Variants in ARHGEF3 observed in about 807,000 individuals in gnomAD.
ARHGEF3 encodes the protein Rho guanine nucleotide exchange factor 3, also known as 59.8 kDA protein.
A neutral mutation model predicts 63.2 loss-of-function variants in ARHGEF3; 28 were observed. The ratio of observed to expected loss-of-function variants is 0.44; its 90% CI spans 0.33 to 0.61. ARHGEF3 has a LOEUF of 0.61. Among genes scored for constraint, ARHGEF3 ranks in the 20% least tolerant of loss-of-function variants. The pLI, the probability that ARHGEF3 is intolerant of heterozygous loss-of-function variation, is 0.03. For synonymous variants in ARHGEF3, 266 were observed against 254.2 expected, an observed-to-expected ratio of 1.05 and a Z score of -0.44; for missense variants, 533 against 659.3, an observed-to-expected ratio of 0.81 and a Z score of 2.10.
At chr3:56,881,695 G>A (rs1340651704) in intron 4 of ARHGEF3, among the ~76,000 whole-genome samples, 5 of 152,096 alleles carry the variant, frequency 3.3e-5, no homozygotes, top group Admixed American at 1.3e-4. Flanking sequence ...AGTATGTACA[G>A]GCAATGTGTT....
intron 1 of ARHGEF3, among the ~76,000 whole-genome samples, chr3:56,793,263 G>A (rs1198876995): frequency 3.3e-5 from 5 of 151,644 alleles, no homozygotes; most frequent in South Asian, 2.1e-4. Flanking sequence ...TCCGCCTCCC[G>A]GGTTCACGCC....
Position 56,876,681 on chromosome 3 carries a change from C to CA in ARHGEF3, c.192+5610dup, listed in dbSNP as rs57550315. 9.5e-3 allele frequency among the ~76,000 whole-genome samples: 1,399 copies of CA among 146,966 alleles called. 20 individuals are homozygous for CA. Among genetic ancestry groups the CA allele is most frequent in the African/African-American group, 0.033 (1,304 of 39,762 alleles). ...TCTTGATGGTTGCAAATCAGCAAAA[C>CA]AAAAAAAAAAATGCAGGAAGAATGT... On this transcript the variant is annotated intron_variant, in intron 4 of 12. Transcript: ENST00000338458.
chr3:56,761,297 A>G (rs1269071674), intron 2 of ARHGEF3, among the ~76,000 whole-genome samples: 1 of 152,068 alleles, frequency 6.6e-6, no homozygotes, highest in Non-Finnish European at 1.5e-5. Flanking sequence ...GGGAAAAACT[A>G]CATGAGAGAA....
At chr3:56,821,286 G>C (rs2038484256) in intron 4 of ARHGEF3, among the ~76,000 whole-genome samples, 1 of 152,210 alleles carries the variant, frequency 6.6e-6, no homozygotes, top group African/African-American at 2.4e-5. Context: ...AGTGTAGTGA[G>C]ACTGGGAAGA....
intron 3 of ARHGEF3, among the ~76,000 whole-genome samples, chr3:56,932,985 CA>C (rs1333824425): frequency 2.0e-5 from 3 of 152,144 alleles, no homozygotes; most frequent in Admixed American, 1.3e-4. Flanking sequence ...TCATTTGTTG[CA>C]TATTCTCATT....
At chr3:56,823,527 C>T (rs997072851) in intron 4 of ARHGEF3, among the ~76,000 whole-genome samples, 4 of 152,088 alleles carry the variant, frequency 2.6e-5, no homozygotes, top group African/African-American at 9.7e-5. Context: ...CTGACTGGCT[C>T]CCAGAATCAA....
intron 3 of ARHGEF3, among the ~76,000 whole-genome samples, chr3:56,912,319 A>G (rs1005445526): frequency 5.3e-5 from 8 of 152,246 alleles, no homozygotes; most frequent in African/African-American, 1.9e-4. Flanking sequence ...GGACCACAGC[A>G]AACATTCACC....
At chr3:56,944,306 C>T (rs992843433) in intron 3 of ARHGEF3, among the ~76,000 whole-genome samples, 3 of 152,146 alleles carry the variant, frequency 2.0e-5, no homozygotes, top group Non-Finnish European at 4.4e-5. Context: ...TTCTAGATGC[C>T]ATTAAGAACA....
intron 3 of ARHGEF3, among the ~76,000 whole-genome samples, chr3:56,908,893 A>G (rs1367684987): frequency 6.6e-6 from 1 of 152,204 alleles, no homozygotes; most frequent in Non-Finnish European, 1.5e-5. Flanking sequence ...ATTCTATCAT[A>G]ATGACACATG....
intron 1 of ARHGEF3, among the ~76,000 whole-genome samples, chr3:57,056,187 A>AC (rs1373914017): frequency 6.6e-6 from 1 of 152,070 alleles, no homozygotes; most frequent in Non-Finnish European, 1.5e-5. Context: ...GAAGATCGAG[A>AC]CCATCCTGGC....
chr3:56,978,302 T>C (rs756610899), intron 2 of ARHGEF3, among the ~76,000 whole-genome samples: 31 of 152,340 alleles, frequency 2.0e-4, no homozygotes, highest in Non-Finnish European at 3.8e-4. Context: ...ATTCCCATAC[T>C]GTCAGCAGTG....
chr3:56,768,911 C>CAGATCACCCAGACAGAGAT (rs1366947053), intron 2 of ARHGEF3, among the ~76,000 whole-genome samples: 1 of 152,142 alleles, frequency 6.6e-6, no homozygotes, highest in Non-Finnish European at 1.5e-5. Flanking sequence ...TAAAAGTGAG[C>CAGATCACCCAGACAGAGAT]AGATCACCCA....
chr3:56,896,353 G>A lies in ARHGEF3; in HGVS notation c.130-13999C>T, dbSNP rs534547010. 7.2e-5 allele frequency among the ~76,000 whole-genome samples: 11 copies of A among 152,166 alleles called. No individual in the cohort carries two copies. In the East Asian group the frequency reaches 2.1e-3, roughly 29 times the overall value. On this transcript the variant is annotated intron_variant, in intron 3 of 12. Transcript: ENST00000338458. The stretch of plus-strand genomic sequence containing the variant: ...TTTGAGAATGAGTTGCAGACATTAT[G>A]TCCCTTTAGACCCTAAATACTTCAG...
At chr3:56,897,449 C>A (rs186617599) in intron 3 of ARHGEF3, among the ~76,000 whole-genome samples, 1 of 152,196 alleles carries the variant, frequency 6.6e-6, no homozygotes, top group Admixed American at 6.5e-5. Context: ...GTTTTTGCTA[C>A]GGGGGTGCCA....
In ARHGEF3 at chr3:56,916,364, C is replaced by T. The variant is rs780228175; in HGVS notation, c.130-34010G>A. 34 of 1,534,362 alleles carry T rather than the reference C, an allele frequency of 2.2e-5. No individual in the cohort carries two copies. In the East Asian group the frequency reaches 7.6e-4, roughly 34 times the overall value. On this transcript the variant is annotated intron_variant, in intron 3 of 12. Coordinates refer to the ARHGEF3 transcript ENST00000338458. ...CATGGGGCGCTCTGACCTCATCCAC[C>T]CGGACTCACCGGCTCCTAACTGCAG...
chr3:56,979,783 G>A (rs1047103748), intron 2 of ARHGEF3, among the ~76,000 whole-genome samples: 6 of 152,188 alleles, frequency 3.9e-5, no homozygotes, highest in African/African-American at 1.4e-4. Flanking sequence ...TCTAGAAAAT[G>A]GGGAAAATAA....
chr3:56,775,693 C>T, intron 1 of ARHGEF3: 1 of 985,662 alleles, frequency 1.0e-6, no homozygotes, highest in Non-Finnish European at 1.2e-6. Context: ...GCTCCCTGTC[C>T]AGTGCCAGGC....
At chr3:56,860,981 C>T (rs1303558247) in intron 4 of ARHGEF3, among the ~76,000 whole-genome samples, 4 of 152,138 alleles carry the variant, frequency 2.6e-5, no homozygotes, top group Non-Finnish European at 5.9e-5. Context: ...AATGAAAAGG[C>T]AATGCGGCAG....
intron 2 of ARHGEF3, among the ~76,000 whole-genome samples, chr3:57,029,905 A>G (rs1703661573): frequency 6.6e-6 from 1 of 152,030 alleles, no homozygotes; most frequent in East Asian, 1.9e-4. Context: ...AGGGTGGGGG[A>G]AGCAGAGCAG....
Sources: gnomAD v4.1 joint callset for allele counts (sites outside exome capture counted in the v4.1 genomes callset) on GRCh38, gnomAD v4.1.1 for gene constraint, MANE v1.5 for transcripts, NCBI Gene and HGNC (gene_info 2026-07-23, HGNC 2026-07-21) for gene names.